Variants in EHBP1 observed in about 807,000 individuals in gnomAD.
EHBP1 encodes EH domain binding protein 1, also known as EH domain-binding protein 1.
A neutral mutation model predicts 144.0 loss-of-function variants in EHBP1; 55 were observed. That is an observed-to-expected ratio of 0.38 (90% confidence interval 0.31 to 0.48). EHBP1 has a LOEUF of 0.48. Among genes scored for constraint, EHBP1 ranks in the 20% least tolerant of loss-of-function variants. EHBP1 has a pLI of 0.98. For synonymous variants in EHBP1, 469 were observed against 472.7 expected (o/e 0.99, Z 0.10); for missense variants, 1,200 against 1,364.2 (o/e 0.88, Z 1.90).
chr2:62,774,164 A>C (rs2041891769), intron 5 of EHBP1, among the ~76,000 whole-genome samples: 1 of 152,072 alleles, frequency 6.6e-6, no homozygotes, highest in Non-Finnish European at 1.5e-5. Flanking sequence ...TGAGGTCAGG[A>C]GTTGGAGACC....
rs2059528671 is a variant in EHBP1 at position 62,993,977 on chromosome 2, T to C, written c.2979T>C (p.Asn993=). 1 of 1,558,236 alleles carries C rather than the reference T, an allele frequency of 6.4e-7. No individual in the cohort carries two copies. The highest frequency in any genetic ancestry group is 1.4e-5 in the African/African-American group (1 of 73,174). ...AGCCATCAGAAGATGAAGTGCTTAA[T>C]GTATATTAATTTTTTGTGTGGTTTC... ...QRKPSEDEVL[N]KGFKDTSQYV... Residue 993 remains asparagine, a splice_region_variant and synonymous_variant, in exon 18 of 23, where the codon AAT becomes AAC. Coordinates refer to ENST00000431489, the MANE Select transcript of EHBP1 (RefSeq NM_001142616.3).
intron 2 of EHBP1, among the ~76,000 whole-genome samples, chr2:62,736,274 T>TGGA (rs2038122349): frequency 6.8e-6 from 1 of 147,680 alleles, no homozygotes; most frequent in South Asian, 2.2e-4. Flanking sequence ...TTGCCCAGGC[T>TGGA]GGAGTACAGT....
intron 2 of EHBP1, among the ~76,000 whole-genome samples, chr2:62,715,996 GC>G (rs1205485897): frequency 4.6e-5 from 7 of 152,060 alleles, no homozygotes; most frequent in Non-Finnish European, 8.8e-5. Context: ...AGAACATCTT[GC>G]TCTACACCCT....
chr2:62,827,142 A>G (rs534669347), intron 6 of EHBP1, among the ~76,000 whole-genome samples: 1 of 152,332 alleles, frequency 6.6e-6, no homozygotes, highest in South Asian at 2.1e-4. Context: ...TTGACTGATT[A>G]GACTGGATTC....
At chr2:62,882,330 G>C (rs2051515459) in intron 10 of EHBP1, among the ~76,000 whole-genome samples, 1 of 152,148 alleles carries the variant, frequency 6.6e-6, no homozygotes, top group Non-Finnish European at 1.5e-5. Context: ...ATGCTAAATG[G>C]AAAGAGCAGA....
intron 10 of EHBP1, among the ~76,000 whole-genome samples, chr2:62,939,001 A>G (rs1307940407): frequency 2.6e-5 from 4 of 152,172 alleles, no homozygotes; most frequent in Admixed American, 2.6e-4. Context: ...AGTGTTTTAC[A>G]TGCATTTTTT....
At chr2:62,881,418 G>GAAAAAAAAAAA (rs371288881) in intron 10 of EHBP1, among the ~76,000 whole-genome samples, 1 of 69,788 alleles carries the variant, frequency 1.4e-5, no homozygotes, top group East Asian at 5.3e-4. Context: ...AGGAAAAACG[G>GAAAAAAAAAAA]AAAAAAAAAA....
At chr2:62,912,429 G>A (rs2054298499) in intron 10 of EHBP1, among the ~76,000 whole-genome samples, 1 of 152,140 alleles carries the variant, frequency 6.6e-6, no homozygotes, top group Admixed American at 6.6e-5. Flanking sequence ...GTGCATGCCT[G>A]TAGTCCCAGC....
At chr2:63,006,106 T>A (rs1367579788) in intron 19 of EHBP1, among the ~76,000 whole-genome samples, 1 of 152,056 alleles carries the variant, frequency 6.6e-6, no homozygotes, top group African/African-American at 2.4e-5. Context: ...TTTGCGTATC[T>A]TTCCAGTAGC....
intron 2 of EHBP1, among the ~76,000 whole-genome samples, chr2:62,722,407 G>A (rs1173998370): frequency 6.6e-6 from 1 of 151,898 alleles, no homozygotes; most frequent in Non-Finnish European, 1.5e-5. Flanking sequence ...ACAGGCATGA[G>A]CCACCATGCC....
intron 19 of EHBP1, among the ~76,000 whole-genome samples, chr2:63,023,435 C>T (rs2060842880): frequency 6.6e-6 from 1 of 152,132 alleles, no homozygotes; most frequent in East Asian, 1.9e-4. Flanking sequence ...TGGACTTTAC[C>T]TGTAAAAATG....
At chr2:62,913,460 T>TA (rs1354039608) in intron 10 of EHBP1, among the ~76,000 whole-genome samples, 1 of 152,230 alleles carries the variant, frequency 6.6e-6, no homozygotes, top group Non-Finnish European at 1.5e-5. Flanking sequence ...CTTAATGTTT[T>TA]ACATCCCCCA....
intron 21 of EHBP1, chr2:63,043,885 G>T (rs1056473882): frequency 3.0e-5 from 4 of 133,244 alleles, no homozygotes. Context: ...TGCATTTGCT[G>T]GGGGAGGGGG....
intron 7 of EHBP1, among the ~76,000 whole-genome samples, chr2:62,838,302 G>T (rs1201979526): frequency 6.6e-6 from 1 of 152,154 alleles, no homozygotes; most frequent in Non-Finnish European, 1.5e-5. Context: ...CGAGAACAAA[G>T]ACACAACATA....
rs368334270 is a variant in EHBP1, at chr2:62,859,141, G to A, written c.635-28G>A. The A allele has an allele frequency of 1.4e-5, 22 of 1,578,758 alleles. No homozygotes were observed. The African/African-American group carries it at 2.8e-4, about 20-fold the overall frequency. On this transcript the variant is annotated intron_variant, in intron 7 of 22. Coordinates refer to ENST00000431489, the MANE Select transcript of EHBP1 (RefSeq NM_001142616.3). Reference sequence around the variant, plus strand: ...TCAATACTTACACTTAACCATAATAGGGAACTAACCCATATGTTTATTTTC... The same window carrying A: ...TCAATACTTACACTTAACCATAATAAGGAACTAACCCATATGTTTATTTTC...
intron 10 of EHBP1, among the ~76,000 whole-genome samples, chr2:62,927,137 AG>A (rs1160063784): frequency 6.6e-6 from 1 of 152,188 alleles, no homozygotes; most frequent in Non-Finnish European, 1.5e-5. Flanking sequence ...GGAAGCTAAA[AG>A]TAAAAGTTGA....
chr2:62,798,051 T>C (rs2043670047), intron 5 of EHBP1, among the ~76,000 whole-genome samples: 1 of 152,158 alleles, frequency 6.6e-6, no homozygotes, highest in South Asian at 2.1e-4. Context: ...ATAAGTAGAA[T>C]TGAAAGATAA....
chr2:62,900,413 G>A (rs1327275094), intron 10 of EHBP1, among the ~76,000 whole-genome samples: 1 of 151,990 alleles, frequency 6.6e-6, no homozygotes, highest in African/African-American at 2.4e-5. Context: ...CTTAACCCCA[G>A]GATTTCAAGA....
At chr2:62,707,907 A>C (rs1391525975) in intron 2 of EHBP1, among the ~76,000 whole-genome samples, 1 of 152,210 alleles carries the variant, frequency 6.6e-6, no homozygotes, top group Non-Finnish European at 1.5e-5. Context: ...TAAGGAAGCA[A>C]TTAGTAGTGC....
Sources: gnomAD v4.1 joint callset for allele counts (sites outside exome capture counted in the v4.1 genomes callset) on GRCh38, gnomAD v4.1.1 for gene constraint, MANE v1.5 for transcripts, NCBI Gene and HGNC (gene_info 2026-07-23, HGNC 2026-07-21) for gene names.